The following TSPAN9 variants were observed in gnomAD, a reference collection of about 807,000 sequenced individuals.
TSPAN9 encodes tetraspanin 9, also known as tetraspanin-9.
TSPAN9 carries 16 observed loss-of-function variants against 31.0 expected under a neutral mutation model. The observed-to-expected ratio is 0.52, with a 90% CI of 0.35 to 0.78. The LOEUF is 0.78. Among genes scored for constraint, TSPAN9 ranks in the 30% least tolerant of loss-of-function variants. The probability of loss-of-function intolerance (pLI) is 0.01; values close to 1 mark genes in which losing one functional copy is unlikely to be tolerated. For missense variants in TSPAN9, 272 were observed against 312.5 expected, an observed-to-expected ratio of 0.87 and a Z score of 0.98; for synonymous variants, 145 against 121.6, an observed-to-expected ratio of 1.19 and a Z score of -1.27.
intron 2 of TSPAN9, among the ~76,000 whole-genome samples, chr12:3,129,780 C>G (rs1369542257): frequency 6.6e-6 from 1 of 152,172 alleles, no homozygotes; most frequent in East Asian, 1.9e-4. Context: ...TCATAATTCC[C>G]TTGCTGGGCA....
intron 2 of TSPAN9, among the ~76,000 whole-genome samples, chr12:3,199,267 G>T (rs1349798451): frequency 6.6e-6 from 1 of 152,188 alleles, no homozygotes; most frequent in Non-Finnish European, 1.5e-5. Flanking sequence ...AGGGGATGGG[G>T]TTACAGAACC....
chr12:3,181,348 A>G (rs1481020120), intron 2 of TSPAN9, among the ~76,000 whole-genome samples: 5 of 152,174 alleles, frequency 3.3e-5, no homozygotes, highest in African/African-American at 1.2e-4. Flanking sequence ...CAGACAAGGA[A>G]ACTGAGATGC....
chr12:3,275,642 G>A (rs758505926), intron 3 of TSPAN9, among the ~76,000 whole-genome samples: 6 of 152,250 alleles, frequency 3.9e-5, no homozygotes, highest in Admixed American at 2.6e-4. Flanking sequence ...GGCCGTAGGC[G>A]GGGCTAGCCC....
intron 2 of TSPAN9, among the ~76,000 whole-genome samples, chr12:3,139,426 G>T (rs1328643022): frequency 6.6e-6 from 1 of 152,176 alleles, no homozygotes; most frequent in Non-Finnish European, 1.5e-5. Context: ...CCGTGCAGTG[G>T]AGGGGCTTGC....
chr12:3,271,850 G>A (rs749909487), intron 3 of TSPAN9, among the ~76,000 whole-genome samples: 9 of 152,172 alleles, frequency 5.9e-5, no homozygotes, highest in African/African-American at 2.4e-5. Flanking sequence ...CAGCGGCTGC[G>A]CTCCTGGCAC....
At chr12:3,252,318 C>T (rs540199372) in intron 3 of TSPAN9, among the ~76,000 whole-genome samples, 108 of 152,256 alleles carry the variant, frequency 7.1e-4, no homozygotes, top group African/African-American at 2.4e-3. Flanking sequence ...ACTGGAATGG[C>T]GTTTAGAGGG....
intron 3 of TSPAN9, among the ~76,000 whole-genome samples, chr12:3,225,100 G>T (rs3782816): frequency 0.06 from 9,079 of 152,230 alleles, 354 homozygotes; most frequent in Middle Eastern, 0.095. Flanking sequence ...CAGAGACAAA[G>T]AATCAATCAT....
intron 2 of TSPAN9, among the ~76,000 whole-genome samples, chr12:3,175,369 C>T (rs1257879494): frequency 1.3e-5 from 2 of 152,192 alleles, no homozygotes; most frequent in East Asian, 3.9e-4. Flanking sequence ...CGGCAGGGGC[C>T]TGCCAAGCTG....
At chr12:3,138,969 G>A (rs1020633877) in intron 2 of TSPAN9, among the ~76,000 whole-genome samples, 2 of 152,210 alleles carry the variant, frequency 1.3e-5, no homozygotes, top group Non-Finnish European at 2.9e-5. Flanking sequence ...CTGCTTCCCA[G>A]CTCAGAGCCC....
intron 3 of TSPAN9, among the ~76,000 whole-genome samples, chr12:3,260,565 C>T (rs3782778): frequency 0.47 from 70,993 of 152,090 alleles, 17,353 homozygotes; most frequent in South Asian, 0.6. Context: ...AAATATCTCT[C>T]GGGATCCTAC....
chr12:3,131,846 C>T (rs185510976), intron 2 of TSPAN9, among the ~76,000 whole-genome samples: 24 of 152,282 alleles, frequency 1.6e-4, no homozygotes, highest in Middle Eastern at 3.4e-3. Context: ...CTACGTTCAC[C>T]GTGTTTGTAA....
At chr12:3,246,598 A>G (rs1862133075) in intron 3 of TSPAN9, among the ~76,000 whole-genome samples, 2 of 152,240 alleles carry the variant, frequency 1.3e-5, no homozygotes, top group African/African-American at 4.8e-5. Context: ...GCCAGGGAAC[A>G]GTAGCCCAAT....
chr12:3,248,645 T>G (rs1862185500), intron 3 of TSPAN9, among the ~76,000 whole-genome samples: 1 of 152,106 alleles, frequency 6.6e-6, no homozygotes, highest in Non-Finnish European at 1.5e-5. Flanking sequence ...TCATATTTTT[T>G]TTTTTTGGAG....
chr12:3,235,270 A>G lies in TSPAN9; in HGVS notation c.63+34014A>G, dbSNP rs192916660. Reference sequence around the variant, plus strand: ...TATATATATATATATATATATATATATGTAAGTGAATGAAGGAATGAGTGG... The same window carrying G: ...TATATATATATATATATATATATATGTGTAAGTGAATGAAGGAATGAGTGG... On this transcript the variant is annotated intron_variant, in intron 3 of 8. Transcript: ENST00000011898. 5.6e-3 allele frequency among the ~76,000 whole-genome samples: 539 copies of G among 96,128 alleles called. 4 individuals are homozygous for G. Among genetic ancestry groups the G allele is most frequent in the South Asian group, 9.4e-3 (21 of 2,232 alleles). The allele number at this position is 96,128 out of a possible 152,430, so 63.1% of individuals were successfully genotyped here.
chr12:3,152,000 C>A lies in TSPAN9; in HGVS notation c.-17-49177C>A, dbSNP rs540797112. Among the ~76,000 whole-genome samples the A allele has an allele frequency of 2.6e-5, 4 of 152,232 alleles. No homozygotes were observed. In the East Asian group the frequency reaches 5.8e-4, roughly 22 times the overall value. ...CCAACAATCAGGCGTAAGTAAATTT[C>A]CTGCAAATGGGATGCCTGCTGGAGG... On this transcript the variant is annotated intron_variant, in intron 2 of 8. Coordinates refer to ENST00000011898, the MANE Select transcript of TSPAN9 (RefSeq NM_006675.5).
intron 2 of TSPAN9, chr12:3,151,108 C>T (rs1340992372): frequency 6.6e-6 from 1 of 152,228 alleles, no homozygotes; most frequent in Non-Finnish European, 1.5e-5. Context: ...GCCACCTTTC[C>T]ATGTGGTTTG....
chr12:3,192,118 C>T lies in TSPAN9; in HGVS notation c.-17-9059C>T, dbSNP rs1418411529. 6.6e-6 allele frequency among the ~76,000 whole-genome samples: 1 copy of T among 151,884 alleles called. No homozygotes were observed. Among genetic ancestry groups the T allele is most frequent in the Non-Finnish European group, 1.5e-5 (1 of 67,994 alleles). ...TAATGGGTGAGCAGAGAATGTTGGA[C>T]GGGGGCTGGAGAGAAAGGCAGGGAT... On this transcript the variant is annotated intron_variant, in intron 2 of 8. Coordinates refer to ENST00000011898, the MANE Select transcript of TSPAN9 (RefSeq NM_006675.5). This position sits in a 1 kb window ranked among gnomAD's most constrained non-coding sequence, Gnocchi z 4.6.
intron 3 of TSPAN9, among the ~76,000 whole-genome samples, chr12:3,256,288 A>G (rs1303597202): frequency 1.3e-5 from 2 of 152,210 alleles, no homozygotes; most frequent in African/African-American, 4.8e-5. Flanking sequence ...GCTGCCCTGG[A>G]AAGGCCGGGC....
At chr12:3,249,308 AG>A (rs2153977952) in intron 3 of TSPAN9, among the ~76,000 whole-genome samples, 1 of 152,256 alleles carries the variant, frequency 6.6e-6, no homozygotes, top group South Asian at 2.1e-4. Flanking sequence ...GGAGCCTCCC[AG>A]GAAGTGTCAC....
Sources: allele counts gnomAD v4.1 joint callset (sites outside exome capture counted in the v4.1 genomes callset), GRCh38; gene constraint gnomAD v4.1.1; non-coding constraint Gnocchi (gnomAD v3.1); transcripts MANE v1.5; gene names NCBI Gene and HGNC (gene_info 2026-07-23, HGNC 2026-07-21).